Variants in ANKRD11 observed in about 807,000 individuals in gnomAD.
ANKRD11 encodes the protein ankyrin repeat domain-containing protein 11.
Under a neutral mutation model 195.7 loss-of-function variants are expected in ANKRD11, and 17 were observed. The ratio of observed to expected loss-of-function variants is 0.09; its 90% CI spans 0.06 to 0.13. ANKRD11 has a LOEUF of 0.13. Ranked by LOEUF, ANKRD11 falls within the 10% of genes least tolerant of loss-of-function variation. The probability of loss-of-function intolerance (pLI) is 1.00; values close to 1 mark genes in which losing one functional copy is unlikely to be tolerated. For synonymous variants in ANKRD11, 1,953 were observed against 1,528.1 expected (o/e 1.28, Z -6.49); for missense variants, 3,735 against 3,566.1 (o/e 1.05, Z -1.21).
At chr16:89,376,086 GT>G (rs1437982733) in intron 2 of ANKRD11, among the ~76,000 whole-genome samples, 1 of 152,204 alleles carries the variant, frequency 6.6e-6, no homozygotes, top group East Asian at 1.9e-4. Context: ...AAATTTTTTT[GT>G]GAAATACCTT....
intron 2 of ANKRD11, among the ~76,000 whole-genome samples, chr16:89,348,427 G>T (rs955159575): frequency 3.8e-4 from 58 of 152,130 alleles, no homozygotes; most frequent in Admixed American, 1.1e-3. Context: ...ATTAATGTGG[G>T]TGTTTCTCTA....
intron 1 of ANKRD11, among the ~76,000 whole-genome samples, chr16:89,475,694 G>A (rs1174123970): frequency 1.3e-5 from 2 of 152,246 alleles, no homozygotes; most frequent in African/African-American, 4.8e-5. Flanking sequence ...GTTCTATGCT[G>A]TGATATCTCC....
At chr16:89,360,286 G>A (rs2039676281) in intron 2 of ANKRD11, among the ~76,000 whole-genome samples, 1 of 152,110 alleles carries the variant, frequency 6.6e-6, no homozygotes, top group South Asian at 2.1e-4. Flanking sequence ...TATTAGGGAT[G>A]GGGCTTCACT....
intron 2 of ANKRD11, among the ~76,000 whole-genome samples, chr16:89,389,080 A>T: frequency 6.6e-6 from 1 of 152,232 alleles, no homozygotes; most frequent in East Asian, 1.9e-4. Flanking sequence ...AATGGATTAC[A>T]GTGCTGGAGT....
chr16:89,382,984 G>A (rs2040728785), intron 2 of ANKRD11, among the ~76,000 whole-genome samples: 1 of 152,228 alleles, frequency 6.6e-6, no homozygotes, highest in Non-Finnish European at 1.5e-5. Context: ...GGGATTACAG[G>A]CGTGAGCCAC....
chr16:89,424,042 G>GTGAGGAACCCAGT (rs2042619413), intron 1 of ANKRD11, among the ~76,000 whole-genome samples: 1 of 152,026 alleles, frequency 6.6e-6, no homozygotes, highest in Non-Finnish European at 1.5e-5. Flanking sequence ...CATAGTACTC[G>GTGAGGAACCCAGT]ACCAGTGAGG....
Position 89,282,104 on chromosome 16 carries a change from G to T in ANKRD11, c.4438C>A (p.His1480Asn), listed in dbSNP as rs1360414969. Residue 1480 changes from histidine to asparagine, a missense_variant, in exon 9 of 13, where the codon CAT (histidine) becomes AAT (asparagine). Physicochemically the swap from His to Asn is moderately conservative, Grantham distance 68 (BLOSUM62 1). Coordinates refer to ENST00000301030, the MANE Select transcript of ANKRD11 (RefSeq NM_013275.6). ...RDEKERHRDR[H>N]ADGLLRHHRD... The stretch of plus-strand genomic sequence containing the variant: ...TGATGCCGCAGCAGCCCATCCGCAT[G>T]CCTGTCCCGGTGCCTCTCCTTCTCG... The T allele has an allele frequency of 6.2e-7, 1 of 1,613,802 alleles. No individual in the cohort carries two copies. The highest frequency in any genetic ancestry group is 1.1e-5 in the South Asian group (1 of 91,072).
chr16:89,404,366 G>A (rs987442651), intron 2 of ANKRD11, among the ~76,000 whole-genome samples: 3 of 152,058 alleles, frequency 2.0e-5, no homozygotes, highest in African/African-American at 4.8e-5. Context: ...TAATCAAAGG[G>A]CATGAAAAAA....
chr16:89,271,082 C>T lies in ANKRD11; in HGVS notation c.7714-173G>A. 15 of 683,350 alleles carry T rather than the reference C, an allele frequency of 2.2e-5. No individual in the cohort carries two copies. In the South Asian group the frequency reaches 2.4e-4, roughly 11 times the overall value. 42.3% of individuals were successfully genotyped at this position (683,350 alleles called of 1,614,324 possible). ...CAAGGCATGGCAGGCGCACCCTGCC[C>T]ATCTCCCTAAACAGCCTCCCTAAAA... On this transcript the variant is annotated intron_variant, in intron 11 of 12. Coordinates refer to ENST00000301030, the MANE Select transcript of ANKRD11 (RefSeq NM_013275.6).
Position 89,313,471 on chromosome 16 carries a change from C to T in ANKRD11, c.87+3462G>A, listed in dbSNP as rs762434794. On this transcript the variant is annotated intron_variant, in intron 3 of 12. Coordinates refer to ENST00000301030, the MANE Select transcript of ANKRD11 (RefSeq NM_013275.6). ...CCTGCCACTGTGCTCACTGGTGCAG[C>T]CAAAGGGACACGCACAAGCCGTCAG... 77 of 1,289,020 alleles carry T rather than the reference C, an allele frequency of 6.0e-5. No homozygotes were observed. The African/African-American group carries it at 9.4e-4, about 16-fold the overall frequency. 79.8% of individuals were successfully genotyped at this position (1,289,020 alleles called of 1,614,324 possible).
chr16:89,275,653 G>A (rs1050326403), intron 9 of ANKRD11, among the ~76,000 whole-genome samples: 7 of 152,174 alleles, frequency 4.6e-5, no homozygotes, highest in Admixed American at 2.6e-4. Flanking sequence ...GCTGACAACC[G>A]AGCCGGTGGT....
chr16:89,443,836 TG>T (rs1242377161), intron 1 of ANKRD11, among the ~76,000 whole-genome samples: 1 of 152,094 alleles, frequency 6.6e-6, no homozygotes, highest in Non-Finnish European at 1.5e-5. Context: ...ACAAGGCCCG[TG>T]AGTGCAGAGC....
chr16:89,451,990 G>C (rs1049711872), intron 1 of ANKRD11, among the ~76,000 whole-genome samples: 7 of 152,060 alleles, frequency 4.6e-5, no homozygotes, highest in African/African-American at 1.4e-4. Context: ...CGGGTGCAGT[G>C]TCTCACGTCT....
chr16:89,409,365 G>T (rs925525209), intron 2 of ANKRD11, among the ~76,000 whole-genome samples: 3 of 152,226 alleles, frequency 2.0e-5, no homozygotes, highest in Admixed American at 1.3e-4. Flanking sequence ...ATCAACAGGG[G>T]TGGGGTGGGA....
intron 3 of ANKRD11, among the ~76,000 whole-genome samples, chr16:89,308,887 C>G (rs1344790745): frequency 1.3e-5 from 2 of 152,162 alleles, no homozygotes; most frequent in Non-Finnish European, 2.9e-5. Context: ...GCGCAGTAAA[C>G]ACAGGAGGTG....
At chr16:89,269,855 C>G (rs1008042649) in intron 12 of ANKRD11, 6 of 152,190 alleles carry the variant, frequency 3.9e-5, no homozygotes, top group Non-Finnish European at 7.3e-5. Context: ...CTCAGCCTCC[C>G]GAAGTGCTGG....
Position 89,322,503 on chromosome 16 carries a change from G to C in ANKRD11, c.-59-5425C>G, listed in dbSNP as rs149280865. Among the ~76,000 whole-genome samples, 241 of 152,330 alleles carry C rather than the reference G, an allele frequency of 1.6e-3. 2 individuals are homozygous for C. The highest frequency in any genetic ancestry group is 5.6e-3 in the African/African-American group (232 of 41,578). The stretch of plus-strand genomic sequence containing the variant: ...CCTCACGCAGGCACGTGGCCTCAGA[G>C]GCCCAGGAGGAGGAAGACAGGAAGT... On this transcript the variant is annotated intron_variant, in intron 2 of 12. Coordinates refer to ENST00000301030, the MANE Select transcript of ANKRD11 (RefSeq NM_013275.6).
intron 2 of ANKRD11, among the ~76,000 whole-genome samples, chr16:89,407,475 C>G (rs1488904187): frequency 6.6e-6 from 1 of 152,144 alleles, no homozygotes; most frequent in Non-Finnish European, 1.5e-5. Flanking sequence ...AAAAAGGAAC[C>G]ACGTTCGCCT....
intron 4 of ANKRD11, among the ~76,000 whole-genome samples, chr16:89,303,513 C>G (rs768422980): frequency 3.9e-5 from 6 of 152,230 alleles, no homozygotes; most frequent in Non-Finnish European, 7.3e-5. Context: ...CGGAGCTGTC[C>G]GCTGCTGGGA....
Sources: gnomAD v4.1 joint callset for allele counts (sites outside exome capture counted in the v4.1 genomes callset) on GRCh38, gnomAD v4.1.1 for gene constraint, MANE v1.5 for transcripts, NCBI Gene and HGNC (gene_info 2026-07-23, HGNC 2026-07-21) for gene names.